The following GPC5 variants were observed in gnomAD, a reference collection of about 807,000 sequenced individuals.
GPC5 encodes glypican-5.
GPC5 carries 47 observed loss-of-function variants against 53.9 expected under a neutral mutation model. The ratio of observed to expected loss-of-function variants is 0.87; its 90% CI spans 0.69 to 1.11. The LOEUF is 1.11. Ranked by LOEUF, GPC5 falls within the 50% of genes most tolerant of loss-of-function variation. GPC5 has a pLI of 0.00. For missense variants in GPC5, 748 were observed against 713.1 expected, an observed-to-expected ratio of 1.05 and a Z score of -0.56; for synonymous variants, 286 against 263.3, an observed-to-expected ratio of 1.09 and a Z score of -0.84.
intron 3 of GPC5, among the ~76,000 whole-genome samples, chr13:91,721,531 T>C (rs1025268253): frequency 6.6e-6 from 1 of 152,188 alleles, no homozygotes; most frequent in Non-Finnish European, 1.5e-5. Flanking sequence ...GTTACTGCCA[T>C]GCTCAAAATT....
chr13:92,483,678 A>C (rs1879441825), intron 7 of GPC5, among the ~76,000 whole-genome samples: 1 of 152,146 alleles, frequency 6.6e-6, no homozygotes, highest in Non-Finnish European at 1.5e-5. Context: ...TTTACTTTAT[A>C]ATTTTGTTTT....
At chr13:92,265,889 C>A (rs1353926487) in intron 7 of GPC5, among the ~76,000 whole-genome samples, 1 of 152,192 alleles carries the variant, frequency 6.6e-6, no homozygotes, top group Non-Finnish European at 1.5e-5. Flanking sequence ...GATCAAGGGG[C>A]CAGCACCTGG....
rs201485924 is a variant in GPC5, at chr13:92,381,877, TG to T, written c.1561+236889del. On this transcript the variant is annotated intron_variant, in intron 7 of 7. Coordinates refer to ENST00000377067, the MANE Select transcript of GPC5 (RefSeq NM_004466.6). ...TATATGATTATATATATCATATATA[TG>T]ATTATATATATTATATATAATCATA... Among the ~76,000 whole-genome samples the T allele has an allele frequency of 1.9e-3, 173 of 93,448 alleles. 1 individual carries two copies. The highest frequency in any genetic ancestry group is 4.2e-3 in the African/African-American group (103 of 24,406). 61.3% of individuals were successfully genotyped at this position (93,448 alleles called of 152,430 possible).
intron 7 of GPC5, among the ~76,000 whole-genome samples, chr13:92,281,346 A>G (rs531389301): frequency 8.5e-5 from 13 of 152,304 alleles, no homozygotes; most frequent in Non-Finnish European, 1.5e-4. Flanking sequence ...ACAAAAGGCA[A>G]CAGAAACCTC....
chr13:92,579,814 C>T (rs1883316109), intron 7 of GPC5, among the ~76,000 whole-genome samples: 1 of 152,138 alleles, frequency 6.6e-6, no homozygotes, highest in South Asian at 2.1e-4. Context: ...CATACCTAGA[C>T]CTAACACATC....
intron 7 of GPC5, among the ~76,000 whole-genome samples, chr13:92,767,639 G>A (rs1783880959): frequency 6.6e-6 from 1 of 152,156 alleles, no homozygotes; most frequent in Non-Finnish European, 1.5e-5. Flanking sequence ...ACCTCCTGCA[G>A]TCTCTGTTAG....
At chr13:92,630,731 T>C (rs1885209301) in intron 7 of GPC5, among the ~76,000 whole-genome samples, 1 of 152,184 alleles carries the variant, frequency 6.6e-6, no homozygotes. Flanking sequence ...TTAGGAATAA[T>C]TTGAATAGTT....
chr13:92,504,613 A>C (rs1380948845), intron 7 of GPC5, among the ~76,000 whole-genome samples: 1 of 152,012 alleles, frequency 6.6e-6, no homozygotes, highest in East Asian at 1.9e-4. Context: ...TAATCAAAAG[A>C]ATACAGTATT....
At chr13:91,483,691 G>A (rs747690475) in intron 2 of GPC5, among the ~76,000 whole-genome samples, 6 of 152,136 alleles carry the variant, frequency 3.9e-5, no homozygotes, top group Non-Finnish European at 5.9e-5. Flanking sequence ...ATTTCAAGAG[G>A]CAGTGGCAAA....
intron 7 of GPC5, among the ~76,000 whole-genome samples, chr13:92,792,508 A>T (rs1233738824): frequency 6.6e-6 from 1 of 152,152 alleles, no homozygotes; most frequent in Admixed American, 6.6e-5. Context: ...AACAGCTAAC[A>T]TCATAATGAC....
intron 7 of GPC5, among the ~76,000 whole-genome samples, chr13:92,628,238 ATTTTCTTTTCT>A (rs1885109453): frequency 8.7e-5 from 5 of 57,284 alleles, no homozygotes; most frequent in Non-Finnish European, 2.1e-4. Context: ...AATCAATCCT[ATTTTCTTTTCT>A]TTTTCTTTTT....
At chr13:92,618,475 A>G (rs1884769811) in intron 7 of GPC5, among the ~76,000 whole-genome samples, 1 of 152,074 alleles carries the variant, frequency 6.6e-6, no homozygotes, top group Non-Finnish European at 1.5e-5. Flanking sequence ...GGCAAAAGGT[A>G]AGTAGATACA....
At chr13:91,973,274 C>T (rs1282429618) in intron 6 of GPC5, among the ~76,000 whole-genome samples, 3 of 152,190 alleles carry the variant, frequency 2.0e-5, no homozygotes, top group Non-Finnish European at 4.4e-5. Context: ...CCTGAGGCTT[C>T]TGCATTTTTC....
chr13:91,683,930 C>A (rs929856679), intron 2 of GPC5, among the ~76,000 whole-genome samples: 2 of 152,160 alleles, frequency 1.3e-5, no homozygotes, highest in African/African-American at 4.8e-5. Context: ...TGCCTTAATT[C>A]TTGTCCTTTT....
At chr13:91,908,913 T>C (rs1055326222) in intron 6 of GPC5, among the ~76,000 whole-genome samples, 21 of 152,170 alleles carry the variant, frequency 1.4e-4, no homozygotes, top group Admixed American at 1.2e-3. Flanking sequence ...AGAGTTTTTA[T>C]TGCATACAAC....
chr13:92,108,221 G>T (rs61966451), intron 6 of GPC5, among the ~76,000 whole-genome samples: 13,836 of 152,076 alleles, frequency 0.091, 778 homozygotes, highest in Non-Finnish European at 0.13. Flanking sequence ...TAGCAGTAAA[G>T]AATATTATAA....
chr13:91,681,120 C>A (rs571488716), intron 2 of GPC5, among the ~76,000 whole-genome samples: 2 of 152,050 alleles, frequency 1.3e-5, no homozygotes, highest in African/African-American at 4.8e-5. Context: ...AGACCGAAAA[C>A]TTTGATGATT....
At chr13:92,593,169 T>C (rs187011912) in intron 7 of GPC5, among the ~76,000 whole-genome samples, 3 of 151,238 alleles carry the variant, frequency 2.0e-5, no homozygotes, top group African/African-American at 7.3e-5. Flanking sequence ...TTTAAGTTTT[T>C]GAACCATCTC....
rs180971916 is a variant in GPC5 at position 91,413,455 on chromosome 13, G to A, written c.163+14246G>A. On this transcript the variant is annotated intron_variant, in intron 1 of 7. Transcript: ENST00000377067. ...TAGATAGCATTGGAGAATAGAATTC[G>A]TTGGAGAAAAAGCAGTGAAGAAGTG... 5.0e-4 allele frequency among the ~76,000 whole-genome samples: 76 copies of A among 152,222 alleles called. No individual in the cohort carries two copies. In the East Asian group the frequency reaches 7.9e-3, roughly 16 times the overall value.
Sources: allele counts gnomAD v4.1 joint callset (sites outside exome capture counted in the v4.1 genomes callset), GRCh38; gene constraint gnomAD v4.1.1; transcripts MANE v1.5; gene names NCBI Gene and HGNC (gene_info 2026-07-23, HGNC 2026-07-21).